KCNIP4: variants seen among roughly 807,000 people sequenced by gnomAD.
KCNIP4 encodes potassium voltage-gated channel interacting protein 4, also known as Kv channel-interacting protein 4.
KCNIP4 carries 12 observed loss-of-function variants against 34.0 expected under a neutral mutation model. The observed-to-expected ratio is 0.35, with a 90% CI of 0.23 to 0.57. The LOEUF is 0.57. Among genes scored for constraint, KCNIP4 ranks in the 20% least tolerant of loss-of-function variants. The pLI is 0.83. For synonymous variants in KCNIP4, 124 were observed against 102.2 expected (o/e 1.21, Z -1.29); for missense variants, 238 against 311.7 (o/e 0.76, Z 1.78).
chr4:21,354,837 G>A (rs192298406), intron 1 of KCNIP4, among the ~76,000 whole-genome samples: 19 of 152,296 alleles, frequency 1.2e-4, no homozygotes, highest in Admixed American at 7.9e-4. Context: ...GAAATCAACA[G>A]AATATACATT....
intron 1 of KCNIP4, among the ~76,000 whole-genome samples, chr4:21,586,167 T>C (rs1741591044): frequency 6.6e-6 from 1 of 152,114 alleles, no homozygotes; most frequent in Admixed American, 6.6e-5. Context: ...ACTTGACCTA[T>C]TCTAGTATCA....
intron 1 of KCNIP4, among the ~76,000 whole-genome samples, chr4:21,858,511 C>T (rs1227791901): frequency 6.6e-6 from 1 of 152,232 alleles, no homozygotes; most frequent in African/African-American, 2.4e-5. Context: ...TGCCTCATTT[C>T]ATTCCCTAAC....
At chr4:20,896,793 T>G (rs1052404402) in intron 1 of KCNIP4, among the ~76,000 whole-genome samples, 2 of 152,180 alleles carry the variant, frequency 1.3e-5, no homozygotes, top group Non-Finnish European at 2.9e-5. Flanking sequence ...TAACAGATTT[T>G]CAAAAACACC....
intron 1 of KCNIP4, among the ~76,000 whole-genome samples, chr4:21,364,288 A>T (rs936210322): frequency 5.9e-5 from 9 of 152,138 alleles, no homozygotes; most frequent in Admixed American, 1.3e-4. Flanking sequence ...TATTGAGCAG[A>T]TATTTATTGA....
chr4:21,827,777 C>T (rs1722758063), intron 1 of KCNIP4, among the ~76,000 whole-genome samples: 1 of 151,924 alleles, frequency 6.6e-6, no homozygotes, highest in South Asian at 2.1e-4. Flanking sequence ...CTGAACCTCC[C>T]ATGAATTTAC....
intron 1 of KCNIP4, among the ~76,000 whole-genome samples, chr4:21,922,376 A>G (rs1327829495): frequency 1.3e-5 from 2 of 152,160 alleles, no homozygotes; most frequent in Non-Finnish European, 2.9e-5. Flanking sequence ...TAGACACAAT[A>G]CACATGCCCA....
At chr4:20,906,611 C>G (rs1298223702) in intron 1 of KCNIP4, among the ~76,000 whole-genome samples, 2 of 152,148 alleles carry the variant, frequency 1.3e-5, no homozygotes, top group African/African-American at 2.4e-5. Context: ...GTATTTAGAC[C>G]TTACCCACCT....
intron 1 of KCNIP4, among the ~76,000 whole-genome samples, chr4:21,112,735 G>A (rs887696282): frequency 6.6e-6 from 1 of 152,142 alleles, no homozygotes; most frequent in Non-Finnish European, 1.5e-5. Context: ...GAAAACTGAG[G>A]CAGCCTACCA....
At position 21,712,031 on chromosome 4, in the gene KCNIP4, G is replaced by A. The variant is rs144169271; in HGVS notation, c.61+236540C>T. 6.0e-3 allele frequency among the ~76,000 whole-genome samples: 911 copies of A among 152,098 alleles called. 6 individuals are homozygous for A. The highest frequency in any genetic ancestry group is 0.021 in the African/African-American group (872 of 41,478). ...CAAACCTGTGCTCTAAAGCATTGTGGAACATCAAAAGCCTCTCTGCCTTCC... is the reference window on the plus strand; with the variant it reads ...CAAACCTGTGCTCTAAAGCATTGTGAAACATCAAAAGCCTCTCTGCCTTCC... On this transcript the variant is annotated intron_variant, in intron 1 of 8. Coordinates refer to ENST00000382152, the MANE Select transcript of KCNIP4 (RefSeq NM_025221.6).
chr4:20,979,908 G>T (rs1735904571), intron 1 of KCNIP4, among the ~76,000 whole-genome samples: 1 of 152,086 alleles, frequency 6.6e-6, no homozygotes, highest in Admixed American at 6.6e-5. Context: ...CATGTGCAAC[G>T]AGCCATATCC....
At chr4:21,424,811 G>A (rs920616917) in intron 1 of KCNIP4, among the ~76,000 whole-genome samples, 2 of 152,166 alleles carry the variant, frequency 1.3e-5, no homozygotes, top group African/African-American at 4.8e-5. Flanking sequence ...TTTTAAGTTA[G>A]CAGATGTCAA....
chr4:20,887,403 T>C (rs1190175657), intron 1 of KCNIP4, among the ~76,000 whole-genome samples: 1 of 150,082 alleles, frequency 6.7e-6, no homozygotes, highest in African/African-American at 2.4e-5. Context: ...ACTTAAAGTA[T>C]AATAAATAAA....
intron 4 of KCNIP4, among the ~76,000 whole-genome samples, chr4:20,751,702 A>C (rs1753671696): frequency 6.6e-6 from 1 of 152,196 alleles, no homozygotes; most frequent in Non-Finnish European, 1.5e-5. Flanking sequence ...ATCAAAAAGA[A>C]AAAAGATAAC....
chr4:20,796,549 T>C (rs1300308285), intron 3 of KCNIP4, among the ~76,000 whole-genome samples: 1 of 151,954 alleles, frequency 6.6e-6, no homozygotes, highest in Non-Finnish European at 1.5e-5. Flanking sequence ...AATAACACTC[T>C]GGAAAGCTCA....
At chr4:21,474,311 T>G (rs1490580034) in intron 1 of KCNIP4, among the ~76,000 whole-genome samples, 1 of 152,178 alleles carries the variant, frequency 6.6e-6, no homozygotes, top group Non-Finnish European at 1.5e-5. Flanking sequence ...ACTGCCACAG[T>G]GCACCTAGCA....
intron 1 of KCNIP4, among the ~76,000 whole-genome samples, chr4:21,535,609 A>G (rs1336104557): frequency 2.0e-5 from 3 of 152,050 alleles, no homozygotes; most frequent in African/African-American, 7.3e-5. Flanking sequence ...AGACTCAACT[A>G]TTTTTCTGAA....
At chr4:21,859,452 CAA>C (rs11362552) in intron 1 of KCNIP4, among the ~76,000 whole-genome samples, 19,036 of 146,886 alleles carry the variant, frequency 0.13, 1,268 homozygotes, top group African/African-American at 0.17. Flanking sequence ...ACTAAAAATA[CAA>C]AAAAAAAAAA....
rs973593589 is a variant in KCNIP4 at position 21,205,899 on chromosome 4, A to T, written c.62-323190T>A. Among the ~76,000 whole-genome samples the T allele has an allele frequency of 1.2e-4, 18 of 152,290 alleles. No homozygotes were observed. In the East Asian group the frequency reaches 3.3e-3, roughly 28 times the overall value. On this transcript the variant is annotated intron_variant, in intron 1 of 8. Transcript: ENST00000382152. ...ACTGTACAAATGGCCTCTTTGTGCT[A>T]TCACCTGAACAGAAACAAATATAAC...
chr4:20,955,748 G>A (rs1158593475), intron 1 of KCNIP4, among the ~76,000 whole-genome samples: 1 of 152,060 alleles, frequency 6.6e-6, no homozygotes, highest in African/African-American at 2.4e-5. Context: ...AAAACTTTAG[G>A]TATTCCAATT....
Sources: allele counts gnomAD v4.1 joint callset (sites outside exome capture counted in the v4.1 genomes callset), GRCh38; gene constraint gnomAD v4.1.1; transcripts MANE v1.5; gene names NCBI Gene and HGNC (gene_info 2026-07-23, HGNC 2026-07-21).